The following PTPRD variants were observed in gnomAD, a reference collection of about 807,000 sequenced individuals.
PTPRD encodes the protein protein tyrosine phosphatase receptor type D.
In PTPRD, 34 loss-of-function variants were observed where a neutral mutation model predicts 214.5. The observed-to-expected ratio is 0.16, with a 90% confidence interval of 0.12 to 0.21. The LOEUF (loss-of-function observed/expected upper bound fraction) is 0.21, where lower values mean the gene tolerates loss of function less well. Ranked by LOEUF, PTPRD falls within the 10% of genes least tolerant of loss-of-function variation. The probability of loss-of-function intolerance (pLI) is 1.00; values close to 1 mark genes in which losing one functional copy is unlikely to be tolerated. For synonymous variants in PTPRD, 1,128 were observed against 845.7 expected (o/e 1.33, Z -5.79); for missense variants, 2,545 against 2,398.7 (o/e 1.06, Z -1.27).
intron 4 of PTPRD, among the ~76,000 whole-genome samples, chr9:9,957,453 G>C (rs1016830020): frequency 2.6e-5 from 4 of 152,026 alleles, no homozygotes; most frequent in Non-Finnish European, 5.9e-5. Flanking sequence ...TGTTACAAGA[G>C]AGCAAGCATA....
intron 11 of PTPRD, among the ~76,000 whole-genome samples, chr9:8,953,272 CTGGCTGTCCATATGCAGAAGAA>C (rs1208363239): frequency 6.6e-6 from 1 of 151,814 alleles, no homozygotes; most frequent in Non-Finnish European, 1.5e-5. Context: ...AGATAGATAA[CTGGCTGTCCATATGCAGAAGAA>C]TGGCTATCCA....
At chr9:9,067,368 T>C (rs1219923476) in intron 10 of PTPRD, among the ~76,000 whole-genome samples, 1 of 152,252 alleles carries the variant, frequency 6.6e-6, no homozygotes, top group East Asian at 1.9e-4. Context: ...ATTCTTTGTG[T>C]ATTTACGTTT....
intron 11 of PTPRD, among the ~76,000 whole-genome samples, chr9:8,848,435 A>C (rs1009090086): frequency 1.3e-5 from 2 of 149,772 alleles, no homozygotes; most frequent in East Asian, 2.0e-4. Flanking sequence ...TCCTGGACTT[A>C]AGTGATCCTC....
chr9:10,420,232 T>G (rs2098533557), intron 2 of PTPRD, among the ~76,000 whole-genome samples: 1 of 151,910 alleles, frequency 6.6e-6, no homozygotes, highest in South Asian at 2.1e-4. Flanking sequence ...ATAATTTCTA[T>G]CAGGAATTAA....
intron 9 of PTPRD, among the ~76,000 whole-genome samples, chr9:9,265,129 C>A (rs778971699): frequency 2.6e-5 from 4 of 151,592 alleles, no homozygotes; most frequent in African/African-American, 4.8e-5. Flanking sequence ...TAGTAAAATA[C>A]AAAATATTCT....
rs142094347 is a variant in PTPRD at position 8,473,542 on chromosome 9, G to C, written c.3414-2457C>G. ...CTACCAACTTCTCAAAGTCAGAAGA[G>C]CGCTACACATAAAGCAATGATACTG... On this transcript the variant is annotated intron_variant, in intron 30 of 45. Transcript: ENST00000381196. Among the ~76,000 whole-genome samples the C allele has an allele frequency of 2.0e-4, 31 of 152,282 alleles. No individual in the cohort carries two copies. In the East Asian group the frequency reaches 3.9e-3, roughly 19 times the overall value.
chr9:10,044,086 G>A (rs1029358288), intron 3 of PTPRD, among the ~76,000 whole-genome samples: 4 of 151,664 alleles, frequency 2.6e-5, no homozygotes, highest in African/African-American at 9.7e-5. Context: ...AAAGATACCA[G>A]GGGAAGTTGT....
At chr9:8,713,392 T>C (rs990268547) in intron 12 of PTPRD, 26 of 1,084,016 alleles carry the variant, frequency 2.4e-5, no homozygotes, top group Non-Finnish European at 3.2e-5. Flanking sequence ...ACCGCCCCTC[T>C]ACCGCATGCG....
At chr9:10,394,099 T>C (rs988864005) in intron 2 of PTPRD, among the ~76,000 whole-genome samples, 2 of 145,582 alleles carry the variant, frequency 1.4e-5, no homozygotes, top group Non-Finnish European at 3.0e-5. Context: ...TATCTATCTC[T>C]CTCTATATAT....
At chr9:8,645,117 T>C (rs984098546) in intron 12 of PTPRD, among the ~76,000 whole-genome samples, 2 of 152,254 alleles carry the variant, frequency 1.3e-5, no homozygotes, top group African/African-American at 4.8e-5. Flanking sequence ...AAATGTATAC[T>C]GATTGTCTTC....
chr9:9,716,564 T>C (rs572051901), intron 7 of PTPRD, among the ~76,000 whole-genome samples: 11 of 152,332 alleles, frequency 7.2e-5, no homozygotes, highest in African/African-American at 2.6e-4. Context: ...TGTGAGATTG[T>C]ATCTCATTGT....
chr9:9,766,556 G>C (rs1405191768), intron 6 of PTPRD, among the ~76,000 whole-genome samples: 2 of 152,000 alleles, frequency 1.3e-5, no homozygotes, highest in East Asian at 1.9e-4. Flanking sequence ...TATTTAACTT[G>C]CAAGAGCATT....
At chr9:8,668,858 T>C (rs544779176) in intron 12 of PTPRD, among the ~76,000 whole-genome samples, 48 of 152,266 alleles carry the variant, frequency 3.2e-4, no homozygotes, top group African/African-American at 1.0e-3. Flanking sequence ...TAGAGATAGC[T>C]TGCAGTGAGC....
intron 2 of PTPRD, among the ~76,000 whole-genome samples, chr9:10,586,808 CTTCT>C (rs2074036319): frequency 6.9e-6 from 1 of 145,498 alleles, no homozygotes; most frequent in South Asian, 2.1e-4. Flanking sequence ...TTTTACCATG[CTTCT>C]TTGTCATCAA....
At chr9:9,758,148 C>CA (rs3050038) in intron 6 of PTPRD, among the ~76,000 whole-genome samples, 9,309 of 114,780 alleles carry the variant, frequency 0.081, 406 homozygotes, top group Middle Eastern at 0.17. Context: ...GTAAAAATGG[C>CA]AAAAAAAAAA....
chr9:8,725,120 G>A (rs1403900251), intron 12 of PTPRD, among the ~76,000 whole-genome samples: 4 of 152,210 alleles, frequency 2.6e-5, no homozygotes, highest in African/African-American at 4.8e-5. Flanking sequence ...GAAAATTCCT[G>A]TATGATTGTT....
intron 11 of PTPRD, among the ~76,000 whole-genome samples, chr9:8,983,708 G>C (rs906739073): frequency 4.0e-5 from 6 of 151,762 alleles, no homozygotes; most frequent in Non-Finnish European, 8.8e-5. Context: ...TGTAGAGACA[G>C]GGTCTCATTA....
intron 14 of PTPRD, among the ~76,000 whole-genome samples, chr9:8,632,121 T>TTGTGTGTGTGTG (rs146691738): frequency 9.4e-4 from 136 of 144,688 alleles, no homozygotes; most frequent in East Asian, 3.0e-3. Context: ...AATTGCTTCT[T>TTGTGTGTGTGTG]TGTGTGTGTG....
intron 9 of PTPRD, among the ~76,000 whole-genome samples, chr9:9,390,175 G>T (rs138962205): frequency 6.6e-6 from 1 of 152,070 alleles, no homozygotes; most frequent in Admixed American, 6.6e-5. Context: ...CGGGGAAGCC[G>T]GATTATCTTA....
Sources: gnomAD v4.1 joint callset for allele counts (sites outside exome capture counted in the v4.1 genomes callset) on GRCh38, gnomAD v4.1.1 for gene constraint, MANE v1.5 for transcripts, NCBI Gene and HGNC (gene_info 2026-07-23, HGNC 2026-07-21) for gene names.